DSCAM: variants seen among roughly 807,000 people sequenced by gnomAD.
DSCAM encodes cell adhesion molecule DSCAM.
In DSCAM, 47 loss-of-function variants were observed where a neutral mutation model predicts 217.7. That is an observed-to-expected ratio of 0.22 (90% CI 0.17 to 0.28). The LOEUF is 0.28. Ranked by LOEUF, DSCAM falls within the 10% of genes least tolerant of loss-of-function variation. DSCAM has a pLI of 1.00. For synonymous variants in DSCAM, 1,056 were observed against 1,015.3 expected (o/e 1.04, Z -0.76); for missense variants, 2,080 against 2,618.3 (o/e 0.79, Z 4.49).
chr21:40,564,925 G>C (rs1237723319), intron 3 of DSCAM, among the ~76,000 whole-genome samples: 2 of 152,148 alleles, frequency 1.3e-5, no homozygotes, highest in Non-Finnish European at 2.9e-5. Context: ...TGCCTCCAAG[G>C]TGAGCACCTG....
At chr21:40,810,935 T>G (rs1274709939) in intron 1 of DSCAM, among the ~76,000 whole-genome samples, 3 of 151,460 alleles carry the variant, frequency 2.0e-5, no homozygotes, top group Non-Finnish European at 4.4e-5. Flanking sequence ...TAAAAATAAT[T>G]TTTTCACTTG....
At chr21:40,673,966 T>TCTAAAA (rs1438867608) in intron 3 of DSCAM, among the ~76,000 whole-genome samples, 1 of 152,160 alleles carries the variant, frequency 6.6e-6, no homozygotes, top group East Asian at 1.9e-4. Context: ...GACTAATACA[T>TCTAAAA]CTAAAAAGAG....
At chr21:40,755,950 A>T (rs988799613) in intron 1 of DSCAM, among the ~76,000 whole-genome samples, 2 of 152,220 alleles carry the variant, frequency 1.3e-5, no homozygotes, top group African/African-American at 4.8e-5. Flanking sequence ...GATCTGATGC[A>T]AGAAGTTGGG....
chr21:40,437,151 T>C (rs1047594263), intron 3 of DSCAM, among the ~76,000 whole-genome samples: 5 of 152,146 alleles, frequency 3.3e-5, no homozygotes, highest in Non-Finnish European at 7.4e-5. Flanking sequence ...TGAAATTAAA[T>C]GATTATTTTG....
At chr21:40,523,975 C>CA (rs2076380307) in intron 3 of DSCAM, among the ~76,000 whole-genome samples, 2 of 152,114 alleles carry the variant, frequency 1.3e-5, no homozygotes, top group Non-Finnish European at 2.9e-5. Flanking sequence ...GAGAGGGGGA[C>CA]AAAGGGACTT....
intron 11 of DSCAM, among the ~76,000 whole-genome samples, chr21:40,200,166 T>A (rs1980782075): frequency 6.6e-6 from 1 of 152,070 alleles, no homozygotes; most frequent in Non-Finnish European, 1.5e-5. Flanking sequence ...TACAGGAGAC[T>A]CCCCATAAAG....
At chr21:40,587,424 A>G (rs1284604702) in intron 3 of DSCAM, among the ~76,000 whole-genome samples, 1 of 152,214 alleles carries the variant, frequency 6.6e-6, no homozygotes, top group East Asian at 1.9e-4. Flanking sequence ...TAAGTTTTAT[A>G]CAATTTTTTA....
rs11910895 is a variant in DSCAM, at chr21:40,557,249, A to G, written c.508+135561T>C. 4.4e-3 allele frequency among the ~76,000 whole-genome samples: 664 copies of G among 152,264 alleles called. 5 individuals are homozygous for G. Among genetic ancestry groups the G allele is most frequent in the African/African-American group, 0.015 (633 of 41,546 alleles). On this transcript the variant is annotated intron_variant, in intron 3 of 32. Coordinates refer to ENST00000400454, the MANE Select transcript of DSCAM (RefSeq NM_001389.5). The stretch of plus-strand genomic sequence containing the variant: ...GGTTACGGGGTAAAATACTTCATGA[A>G]TAGATTAATGCCCTCCCTCAGGTGT...
At chr21:40,452,282 T>C (rs1174794128) in intron 3 of DSCAM, among the ~76,000 whole-genome samples, 1 of 122,884 alleles carries the variant, frequency 8.1e-6, no homozygotes, top group Non-Finnish European at 1.7e-5. Flanking sequence ...ATCCTGGAGG[T>C]ATCCTGGAAA....
intron 3 of DSCAM, among the ~76,000 whole-genome samples, chr21:40,381,731 T>C (rs1050071363): frequency 4.6e-5 from 7 of 152,238 alleles, no homozygotes; most frequent in African/African-American, 1.7e-4. Context: ...CACTATGTTG[T>C]GGCCACTTAA....
chr21:40,474,125 T>A (rs1299497142), intron 3 of DSCAM, among the ~76,000 whole-genome samples: 1 of 152,022 alleles, frequency 6.6e-6, no homozygotes, highest in Non-Finnish European at 1.5e-5. Flanking sequence ...AAACCAGTTC[T>A]CTACTAAAAA....
At chr21:40,188,159 A>G (rs1298977705) in intron 12 of DSCAM, among the ~76,000 whole-genome samples, 172 bp from the exon 13 acceptor site, 2 of 152,082 alleles carry the variant, frequency 1.3e-5, no homozygotes, top group Non-Finnish European at 2.9e-5. Flanking sequence ...AGACTCACAT[A>G]CTAAATCACA....
chr21:40,778,987 G>C (rs1339712681), intron 1 of DSCAM, among the ~76,000 whole-genome samples: 1 of 129,282 alleles, frequency 7.7e-6, no homozygotes, highest in East Asian at 2.4e-4. Flanking sequence ...TCGTGCCATT[G>C]CACTCCAGCC....
chr21:40,577,032 G>C (rs1400775659), intron 3 of DSCAM, among the ~76,000 whole-genome samples: 1 of 150,960 alleles, frequency 6.6e-6, no homozygotes, highest in African/African-American at 2.4e-5. Context: ...ATTGGAAAGG[G>C]CACGAGAGGG....
rs1046352962 is a variant in DSCAM at position 40,333,398 on chromosome 21, C to T, written c.1783+4703G>A. On this transcript the variant is annotated intron_variant, in intron 8 of 32. Coordinates refer to ENST00000400454, the MANE Select transcript of DSCAM (RefSeq NM_001389.5). The stretch of plus-strand genomic sequence containing the variant: ...ATTGATTGATTGAGACAGAGTCTTC[C>T]CTGTCACCCAGGATGGAGTGCAGTG... Among the ~76,000 whole-genome samples the T allele has an allele frequency of 3.0e-4, 46 of 152,204 alleles. 2 individuals carry two copies. The highest frequency in any genetic ancestry group is 2.9e-3 in the Admixed American group (44 of 15,286).
chr21:40,376,242 G>A (rs1478159469), intron 3 of DSCAM, among the ~76,000 whole-genome samples: 1 of 151,988 alleles, frequency 6.6e-6, no homozygotes, highest in Non-Finnish European at 1.5e-5. Flanking sequence ...GCCACACTGT[G>A]TCATGAAACT....
Position 40,342,654 on chromosome 21 carries a change from T to A in DSCAM, c.1211-3239A>T, listed in dbSNP as rs531332971. Among the ~76,000 whole-genome samples, 625 of 130,716 alleles carry A rather than the reference T, an allele frequency of 4.8e-3. 6 individuals are homozygous for A. The highest frequency in any genetic ancestry group is 0.017 in the African/African-American group (546 of 31,572). 85.8% of individuals were successfully genotyped at this position (130,716 alleles called of 152,430 possible). On this transcript the variant is annotated intron_variant, in intron 6 of 32. Coordinates refer to ENST00000400454, the MANE Select transcript of DSCAM (RefSeq NM_001389.5). Reference sequence around the variant, plus strand: ...TATATATATATATATATATATTTTTTTTTTTTTTTTGAGACAGTGTCTCTC... The same window carrying A: ...TATATATATATATATATATATTTTTATTTTTTTTTTGAGACAGTGTCTCTC...
At chr21:40,501,823 C>A (rs892520928) in intron 3 of DSCAM, among the ~76,000 whole-genome samples, 2 of 152,204 alleles carry the variant, frequency 1.3e-5, no homozygotes, top group African/African-American at 4.8e-5. Context: ...AACTCCCGAC[C>A]TCAGGTGATC....
At chr21:40,127,525 G>A (rs2090107651) in intron 19 of DSCAM, among the ~76,000 whole-genome samples, 1 of 152,238 alleles carries the variant, frequency 6.6e-6, no homozygotes, top group African/African-American at 2.4e-5. Flanking sequence ...AGTAAAGAAT[G>A]TGGCCTTCAG....
Sources: allele counts gnomAD v4.1 joint callset (sites outside exome capture counted in the v4.1 genomes callset), GRCh38; gene constraint gnomAD v4.1.1; transcripts MANE v1.5; gene names NCBI Gene and HGNC (gene_info 2026-07-23, HGNC 2026-07-21).